Variants in SP3 observed in about 807,000 individuals in gnomAD.
The protein encoded by SP3 is Sp3 transcription factor.
Under a neutral mutation model 70.3 loss-of-function variants are expected in SP3, and 10 were observed. The ratio of observed to expected loss-of-function variants is 0.14; its 90% CI spans 0.09 to 0.24. The LOEUF (loss-of-function observed/expected upper bound fraction) is 0.24. SP3 is among the 10% of genes least tolerant of loss of function. The pLI is 1.00. For missense variants in SP3, 825 were observed against 914.6 expected (o/e 0.90, Z 1.26); for synonymous variants, 402 against 333.5 (o/e 1.21, Z -2.24).
In SP3 at chr2:173,955,599, T is replaced by C. The variant is rs1486726016; in HGVS notation, c.913A>G (p.Ser305Gly). 2 of 1,614,122 alleles carry C rather than the reference T, an allele frequency of 1.2e-6. No homozygotes were observed. The highest frequency in any genetic ancestry group is 2.2e-5 in the East Asian group (1 of 44,888). The change falls in exon 4 of 7, where the codon AGT becomes GGT. Residue 305 changes from serine (S) to glycine (G), a missense_variant. Around this residue, in one of 4 missense-constraint regions of SP3, gnomAD observed 678 missense variants for 651.6 expected, o/e 1.04. Coordinates refer to ENST00000310015, the MANE Select transcript of SP3 (RefSeq NM_003111.5). ...CCAGTCCTTTCTGAATTGTCTGAAC[T>C]ATCCATAGCTTGTCCTGTGTTTATC... The part of the protein sequence containing the change: ...HLINTGQAMD[S>G]SDNSERTGER...
At chr2:173,926,014 T>C (rs181679931) in intron 4 of SP3, among the ~76,000 whole-genome samples, 2 of 152,306 alleles carry the variant, frequency 1.3e-5, no homozygotes, top group Non-Finnish European at 1.5e-5. Flanking sequence ...ATCTTAAAGG[T>C]AGACTGAATT....
intron 6 of SP3, among the ~76,000 whole-genome samples, chr2:173,911,972 T>C (rs1689497725): frequency 6.6e-6 from 1 of 151,950 alleles, no homozygotes; most frequent in Admixed American, 6.6e-5. Context: ...GTACACACCA[T>C]CCGCCCGGCT....
At chr2:173,941,608 AAAAG>A (rs1207172700) in intron 4 of SP3, among the ~76,000 whole-genome samples, 7 of 152,030 alleles carry the variant, frequency 4.6e-5, no homozygotes, top group Admixed American at 2.6e-4. Flanking sequence ...TAAAAAAAAG[AAAAG>A]AAAGGGATAA....
intron 4 of SP3, among the ~76,000 whole-genome samples, chr2:173,919,496 G>GTA (rs1363493378): frequency 6.6e-6 from 1 of 152,130 alleles, no homozygotes; most frequent in Non-Finnish European, 1.5e-5. Flanking sequence ...TTACTGTGCT[G>GTA]TATTAGTGTC....
upstream of SP3, chr2:173,965,552 C>T: frequency 4.4e-6 from 1 of 228,094 alleles, no homozygotes; most frequent in Non-Finnish European, 8.7e-6. Flanking sequence ...TTTTCGAGAG[C>T]GGCTACGGCT....
At chr2:173,928,577 T>C (rs532110711) in intron 4 of SP3, among the ~76,000 whole-genome samples, 31 of 140,248 alleles carry the variant, frequency 2.2e-4, no homozygotes, top group Admixed American at 1.4e-3. Flanking sequence ...CTGTAAACAA[T>C]CCTGAGTTGG....
At chr2:173,943,820 C>G (rs987415861) in intron 4 of SP3, among the ~76,000 whole-genome samples, 2 of 152,148 alleles carry the variant, frequency 1.3e-5, no homozygotes, top group African/African-American at 4.8e-5. Context: ...CTGAGAAATA[C>G]ATCATTAGGC....
intron 4 of SP3, among the ~76,000 whole-genome samples, chr2:173,938,252 T>C (rs1690263179): frequency 6.6e-6 from 1 of 151,760 alleles, no homozygotes; most frequent in Non-Finnish European, 1.5e-5. Flanking sequence ...AGGTCAGAAG[T>C]TCAAGACCAG....
Position 173,963,900 on chromosome 2 carries a change from G to A in SP3, c.157-17C>T. The A allele has an allele frequency of 1.4e-6, 2 of 1,466,578 alleles. No homozygotes were observed. The highest frequency in any genetic ancestry group is 2.9e-5 in the African/African-American group (2 of 68,302). 90.8% of individuals were successfully genotyped at this position (1,466,578 alleles called of 1,614,324 possible). On this transcript the variant is annotated splice_polypyrimidine_tract_variant and intron_variant, in intron 2 of 6. Coordinates refer to ENST00000310015, the MANE Select transcript of SP3 (RefSeq NM_003111.5). ...CTGAGTGTCCTACCCCCAATGGGCGGGTTCAGAGAGGGAGACAGGGGGAGG... is the reference window on the plus strand; with the variant it reads ...CTGAGTGTCCTACCCCCAATGGGCGAGTTCAGAGAGGGAGACAGGGGGAGG...
At chr2:173,913,809 T>A (rs2105455322) in intron 5 of SP3, 1 of 152,310 alleles carries the variant, frequency 6.6e-6, no homozygotes, top group Non-Finnish European at 1.5e-5. Context: ...ATACACTGAC[T>A]TGGAGAAAGC....
rs1374284157 is a variant in SP3 at position 173,910,102 on chromosome 2, T to C, written c.2185A>G (p.Thr729Ala). The C allele has an allele frequency of 1.9e-6, 3 of 1,612,166 alleles. No individual in the cohort carries two copies. The highest frequency in any genetic ancestry group is 1.7e-4 in the Middle Eastern group (1 of 6,048). Residue 729 changes from threonine to alanine, a missense_variant, in exon 7 of 7, where the codon ACT (threonine) becomes GCT (alanine). By Grantham distance (58) the Thr-to-Ala change is moderately conservative (BLOSUM62 0). Coordinates refer to ENST00000310015, the MANE Select transcript of SP3 (RefSeq NM_003111.5). ...VEAARDDTLI[T>A]AGGTTLILAN... ...AGGATAAGCGTTGTTCCTCCTGCAG[T>C]AATCAAAGTATCATCTCGCGCAGCT... is the stretch of plus-strand genomic sequence containing the variant.
rs774019705 is a variant in SP3 at position 173,955,463 on chromosome 2, T to C, written c.1049A>G (p.Gln350Arg). The change falls in exon 4 of 7, where the codon CAA becomes CGA. Residue 350 changes from glutamine to arginine, a missense_variant. By Grantham distance (43) the Gln-to-Arg change is conservative. Transcript: ENST00000310015. The part of the protein sequence containing the change: ...PVTIDSTGIL[Q>R]QNTNSLTTSS... Reference sequence around the variant, plus strand: ...TGTAGTCAAGCTATTTGTGTTTTGTTGTAATATACCTGTACTATCTATCGT... The same window carrying C: ...TGTAGTCAAGCTATTTGTGTTTTGTCGTAATATACCTGTACTATCTATCGT... The C allele has an allele frequency of 1.7e-5, 27 of 1,614,030 alleles. No homozygotes were observed. Among genetic ancestry groups the C allele is most frequent in the Non-Finnish European group, 1.7e-6 (2 of 1,180,034 alleles).
rs879604002 is a variant in SP3 at position 173,964,290 on chromosome 2, T to C, written c.156+115A>G. ...AGCTCCCGGGGCGGGGGGAGGGGAGTGGAGGGGAGGGGAGAGACGAGGAGG... is the reference window on the plus strand; with the variant it reads ...AGCTCCCGGGGCGGGGGGAGGGGAGCGGAGGGGAGGGGAGAGACGAGGAGG... On this transcript the variant is annotated intron_variant, in intron 2 of 6. Transcript: ENST00000310015. 1.4e-5 allele frequency: 4 copies of C among 290,882 alleles called. No individual in the cohort carries two copies. The African/African-American group carries it at 1.9e-4, about 14-fold the overall frequency. The allele number at this position is 290,882 out of a possible 1,614,324, so 18.0% of individuals were successfully genotyped here. A position where few individuals can be genotyped will look rare whatever the true frequency, so the allele number is the denominator to read the frequency against.
intron 2 of SP3, 150 bp downstream of exon 2, chr2:173,964,255 T>C: frequency 2.1e-6 from 1 of 481,972 alleles, no homozygotes; most frequent in Non-Finnish European, 3.6e-6. Context: ...CGTTGGCGCC[T>C]CGGGCGGGCA....
intron 3 of SP3, among the ~76,000 whole-genome samples, chr2:173,961,948 T>TG (rs1394463372): frequency 3.4e-5 from 5 of 146,146 alleles, no homozygotes; most frequent in South Asian, 2.1e-4. Flanking sequence ...TTTTTTTTTT[T>TG]TTTTTTTTTT....
At chr2:173,935,727 G>A (rs1471960582) in intron 4 of SP3, among the ~76,000 whole-genome samples, 1 of 152,010 alleles carries the variant, frequency 6.6e-6, no homozygotes, top group Non-Finnish European at 1.5e-5. Context: ...TTTGTCCTAG[G>A]CTCAGCCCTC....
rs1390616378 is a variant in SP3, at chr2:173,907,180, T to G, written c.*2761A>C. The G allele has an allele frequency of 6.6e-6, 1 of 152,146 alleles. No individual in the cohort carries two copies. The highest frequency in any genetic ancestry group is 1.9e-4 in the East Asian group (1 of 5,194). 9.4% of individuals were successfully genotyped at this position (152,146 alleles called of 1,614,324 possible). A position where few individuals can be genotyped will look rare whatever the true frequency, so the allele number is the denominator to read the frequency against. ...ATTAAAATTTGAGGTATACAGATAA[T>G]CGCGTCCACTAAATGTTACAACAGG... is the stretch of plus-strand genomic sequence containing the variant. On this transcript the variant is annotated 3_prime_UTR_variant, in exon 7 of 7. Transcript: ENST00000310015.
intron 4 of SP3, among the ~76,000 whole-genome samples, chr2:173,929,114 T>C (rs1689999269): frequency 2.6e-5 from 4 of 152,216 alleles, no homozygotes; most frequent in African/African-American, 7.2e-5. Flanking sequence ...ACTTGATACA[T>C]GCTTCCAAGG....
In SP3 at chr2:173,955,358, T is replaced by G. The variant is rs138446631; in HGVS notation, c.1154A>C (p.Asn385Thr). 3 of 1,613,890 alleles carry G rather than the reference T, an allele frequency of 1.9e-6. No individual in the cohort carries two copies. In the African/African-American group the frequency reaches 4.0e-5, roughly 22 times the overall value. The change falls in exon 4 of 7, where the codon AAT becomes ACT. Residue 385 changes from asparagine to threonine, a missense_variant. Asn to Thr is a moderately conservative substitution (Grantham distance 65). Coordinates refer to ENST00000310015, the MANE Select transcript of SP3 (RefSeq NM_003111.5). Reference protein sequence around the residue: ...SPVSEETQAQNIQVSTAQPVV... With the variant: ...SPVSEETQAQTIQVSTAQPVV... ...AGGCTGTGCTGTAGAAACCTGAATA[T>G]TCTGTGCCTGTGTCTCTTCAGAAAC... is the stretch of plus-strand genomic sequence containing the variant.
Sources: gnomAD v4.1 joint callset for allele counts (sites outside exome capture counted in the v4.1 genomes callset) on GRCh38, gnomAD v4.1.1 for gene constraint, gnomAD v4.1.1 regional missense constraint, MANE v1.5 for transcripts, NCBI Gene and HGNC (gene_info 2026-07-23, HGNC 2026-07-21) for gene names.